PICK1: variants seen among roughly 807,000 people sequenced by gnomAD.
The protein encoded by PICK1 is protein interacting with PRKCA 1.
Under a neutral mutation model 48.9 loss-of-function variants are expected in PICK1, and 23 were observed. That is an observed-to-expected ratio of 0.47 (90% CI 0.34 to 0.67). The LOEUF is 0.67. Ranked by LOEUF, PICK1 falls within the 30% of genes least tolerant of loss-of-function variation. The pLI, the probability that PICK1 is intolerant of heterozygous loss-of-function variation, is 0.01. For synonymous variants in PICK1, 217 were observed against 228.2 expected (o/e 0.95, Z 0.44); for missense variants, 423 against 557.1 (o/e 0.76, Z 2.42).
intron 3 of PICK1, 46 bp from the exon 4 acceptor site, chr22:38,064,956 T>G (rs2145866111): frequency 1.2e-6 from 2 of 1,611,358 alleles, no homozygotes; most frequent in Non-Finnish European, 1.7e-6. Context: ...AGGTTCCATC[T>G]TAGCCCTCCC....
At chr22:38,071,425 T>C (rs980621326) in intron 7 of PICK1, among the ~76,000 whole-genome samples, 2 of 152,226 alleles carry the variant, frequency 1.3e-5, no homozygotes, top group Admixed American at 6.5e-5. Flanking sequence ...AATCCCACAC[T>C]GTCCCAGGGC....
At chr22:38,061,307 C>T (rs573957236) in intron 3 of PICK1, among the ~76,000 whole-genome samples, 1 of 152,140 alleles carries the variant, frequency 6.6e-6, no homozygotes, top group African/African-American at 2.4e-5. Flanking sequence ...TGCCATTGCA[C>T]TCCAGCCTGG....
chr22:38,075,232 C>T lies in PICK1; in HGVS notation c.*100C>T, dbSNP rs1202433563. ...CAAGGGGGCGACGCATAAAGGCCTG[C>T]TGGCTTGGGGCGCCTGCCTCCCTGC... On this transcript the variant is annotated 3_prime_UTR_variant, in exon 13 of 13. Transcript: ENST00000356976. 47 of 1,231,752 alleles carry T rather than the reference C, an allele frequency of 3.8e-5. No homozygotes were observed. The highest frequency in any genetic ancestry group is 5.1e-5 in the Non-Finnish European group (46 of 903,120). The allele number at this position is 1,231,752 out of a possible 1,614,324, so 76.3% of individuals were successfully genotyped here. A position where few individuals can be genotyped will look rare whatever the true frequency, so the allele number is the denominator to read the frequency against.
At position 38,069,138 on chromosome 22, in the gene PICK1, C is replaced by T. The variant is rs867650759; in HGVS notation, c.439+16C>T. The T allele has an allele frequency of 9.5e-6, 15 of 1,584,864 alleles. No homozygotes were observed. Among genetic ancestry groups the T allele is most frequent in the African/African-American group, 1.3e-5 (1 of 74,128 alleles). On this transcript the variant is annotated intron_variant, in intron 6 of 12. Coordinates refer to ENST00000356976, the MANE Select transcript of PICK1 (RefSeq NM_012407.4). The stretch of plus-strand genomic sequence containing the variant: ...CTGTGCAATGGTGAGTCCCTTCCCA[C>T]CCAGCTGGGGCCCCGGGGACTCAAG...
chr22:38,059,139 G>A, intron 2 of PICK1, 95 bp from the exon 3 acceptor site: 1 of 833,606 alleles, frequency 1.2e-6, no homozygotes, highest in Non-Finnish European at 2.0e-6. Flanking sequence ...GAAAAAGCTG[G>A]GCAGCCAGTG....
chr22:38,075,178 G>T lies in PICK1; in HGVS notation c.*46G>T. ...CGGGGGCAGGGTGCGTGGGAGGACGGAGCCTGGGAGCGGGGCGGGGCCGCC... is the reference window on the plus strand; with the variant it reads ...CGGGGGCAGGGTGCGTGGGAGGACGTAGCCTGGGAGCGGGGCGGGGCCGCC... On this transcript the variant is annotated 3_prime_UTR_variant, in exon 13 of 13. Coordinates refer to ENST00000356976, the MANE Select transcript of PICK1 (RefSeq NM_012407.4). The T allele has an allele frequency of 6.4e-7, 1 of 1,573,050 alleles. No homozygotes were observed. The highest frequency in any genetic ancestry group is 8.6e-7 in the Non-Finnish European group (1 of 1,158,726).
rs2085517814 is a variant in PICK1 at position 38,066,096 on chromosome 22, T to G, written c.282+966T>G. 6.6e-6 allele frequency among the ~76,000 whole-genome samples: 1 copy of G among 152,182 alleles called. No individual in the cohort carries two copies. Among genetic ancestry groups the G allele is most frequent in the Admixed American group, 6.5e-5 (1 of 15,288 alleles). On this transcript the variant is annotated intron_variant, in intron 4 of 12. Coordinates refer to ENST00000356976, the MANE Select transcript of PICK1 (RefSeq NM_012407.4). The surrounding 1 kb of genome is among the most constrained non-coding windows in gnomAD (Gnocchi z 4.1). ...TGTAGGAAGAGTCCCATCCTGCACATTCTCCTATTCCAGCCCCTTTAGCCA... is the reference window on the plus strand; with the variant it reads ...TGTAGGAAGAGTCCCATCCTGCACAGTCTCCTATTCCAGCCCCTTTAGCCA...
chr22:38,059,980 G>C (rs1204161291), intron 3 of PICK1, among the ~76,000 whole-genome samples: 1 of 152,234 alleles, frequency 6.6e-6, no homozygotes, highest in Non-Finnish European at 1.5e-5. Flanking sequence ...TTGGGAGGCC[G>C]AGGTGGGTGG....
In PICK1 at chr22:38,074,968, G is replaced by A. The variant is rs749818794; in HGVS notation, c.1084G>A (p.Val362Ile). The A allele has an allele frequency of 1.9e-6, 3 of 1,613,784 alleles. No homozygotes were observed. Among genetic ancestry groups the A allele is most frequent in the Non-Finnish European group, 2.5e-6 (3 of 1,180,036 alleles). ...GGATGCCGACGTCTTCCCCATCGAGGTAGACCTGGCGCACACCACATTGGC... is the reference window on the plus strand; with the variant it reads ...GGATGCCGACGTCTTCCCCATCGAGATAGACCTGGCGCACACCACATTGGC... Reference protein sequence around the residue: ...LRDADVFPIEVDLAHTTLAYG... With the variant: ...LRDADVFPIEIDLAHTTLAYG... Residue 362 changes from valine (V) to isoleucine (I), a missense_variant, in exon 13 of 13, where the codon GTA becomes ATA. Physicochemically the swap from Val to Ile is conservative, Grantham distance 29. Coordinates refer to ENST00000356976, the MANE Select transcript of PICK1 (RefSeq NM_012407.4). This position sits in a 1 kb window ranked among gnomAD's most constrained non-coding sequence, Gnocchi z 4.5.
intron 8 of PICK1, 139 bp from the exon 9 acceptor site, chr22:38,072,338 G>A: frequency 1.0e-6 from 1 of 988,460 alleles, no homozygotes; most frequent in Non-Finnish European, 1.5e-6. Context: ...GTTTAGACCA[G>A]CTCTCTTGGA....
Position 38,074,226 on chromosome 22 carries a change from G to A in PICK1, c.835-81G>A, listed in dbSNP as rs997972892. On this transcript the variant is annotated intron_variant, in intron 11 of 12. Coordinates refer to ENST00000356976, the MANE Select transcript of PICK1 (RefSeq NM_012407.4). The surrounding 1 kb of genome is among the most constrained non-coding windows in gnomAD (Gnocchi z 4.5). ...GTCTCAGAAATGAGGTCTCAGGAAT[G>A]AAGAACAGCCGTGGCTTTGAAAGCA... is the stretch of plus-strand genomic sequence containing the variant. 122 of 1,519,434 alleles carry A rather than the reference G, an allele frequency of 8.0e-5. No homozygotes were observed. Among genetic ancestry groups the A allele is most frequent in the Non-Finnish European group, 1.0e-4 (115 of 1,099,976 alleles). The allele number at this position is 1,519,434 out of a possible 1,614,324, so 94.1% of individuals were successfully genotyped here.
rs2085523223 is a variant in PICK1, at chr22:38,066,309, G to C, written c.282+1179G>C. Among the ~76,000 whole-genome samples, 1 of 152,192 alleles carries C rather than the reference G, an allele frequency of 6.6e-6. No homozygotes were observed. The highest frequency in any genetic ancestry group is 6.5e-5 in the Admixed American group (1 of 15,286). On this transcript the variant is annotated intron_variant, in intron 4 of 12. Coordinates refer to ENST00000356976, the MANE Select transcript of PICK1 (RefSeq NM_012407.4). The surrounding 1 kb of genome is among the most constrained non-coding windows in gnomAD (Gnocchi z 4.1). ...GGGGGTCTCGTTCTGGCCGAGTTGG[G>C]TTGTGTGTGCCCCATTTGGCAGCCC...
At position 38,071,752 on chromosome 22, in the gene PICK1, C is replaced by T. The variant is rs180679869; in HGVS notation, c.556+8C>T. On this transcript the variant is annotated splice_region_variant and intron_variant, in intron 8 of 12. Transcript: ENST00000356976. ...TGTCGCAGACTCACCGGGGTAATGG[C>T]ATCCCCCAAAGCTGTGGTGTGACCG... The T allele has an allele frequency of 1.4e-5, 22 of 1,610,698 alleles. No individual in the cohort carries two copies. In the African/African-American group the frequency reaches 2.3e-4, roughly 17 times the overall value.
chr22:38,060,090 A>G (rs2085362682), intron 3 of PICK1, among the ~76,000 whole-genome samples: 2 of 152,198 alleles, frequency 1.3e-5, no homozygotes. Context: ...GCACGCCTGT[A>G]CTTCCAGCTA....
In PICK1 at chr22:38,075,050, A is replaced by G; in HGVS notation, c.1166A>G (p.Asp389Gly). ...GGGGAGGAGGAGGAGGAGGAGGAAG[A>G]CACGGCAGCTGGGGAGCCGTCCAGG... is the stretch of plus-strand genomic sequence containing the variant. ...TDGEEEEEEEDTAAGEPSRDT... is the reference protein window; with the variant it reads ...TDGEEEEEEEGTAAGEPSRDT... Residue 389 changes from aspartate (D) to glycine (G), a missense_variant, in exon 13 of 13, where the codon GAC (aspartate) becomes GGC (glycine). This residue lies in a region of PICK1 where 144 missense variants were observed against 139.3 expected (regional missense o/e 1.03). Coordinates refer to ENST00000356976, the MANE Select transcript of PICK1 (RefSeq NM_012407.4). 6.2e-7 allele frequency: 1 copy of G among 1,613,230 alleles called. No homozygotes were observed. The highest frequency in any genetic ancestry group is 8.5e-7 in the Non-Finnish European group (1 of 1,179,994).
intron 6 of PICK1, among the ~76,000 whole-genome samples, chr22:38,069,738 G>A (rs547905855): frequency 6.6e-6 from 1 of 152,158 alleles, no homozygotes; most frequent in African/African-American, 2.4e-5. Flanking sequence ...CTAAGGAAGT[G>A]GGGGTGGGGA....
At position 38,073,314 on chromosome 22, in the gene PICK1, C is replaced by T. The variant is rs2085748799; in HGVS notation, c.783+222C>T. Among the ~76,000 whole-genome samples the T allele has an allele frequency of 6.6e-6, 1 of 152,248 alleles. No individual in the cohort carries two copies. The highest frequency in any genetic ancestry group is 1.5e-5 in the Non-Finnish European group (1 of 68,048). ...GCGGGCATGGCTCTCGCTGTGTGCA[C>T]TCTGACCCCTTGGGATTTGTTGCCT... is the stretch of plus-strand genomic sequence containing the variant. On this transcript the variant is annotated intron_variant, in intron 10 of 12. Transcript: ENST00000356976. The surrounding 1 kb of genome is among the most constrained non-coding windows in gnomAD (Gnocchi z 5.7).
intron 3 of PICK1, 138 bp downstream of exon 3, chr22:38,059,483 C>T (rs1246161177): frequency 1.6e-5 from 11 of 695,250 alleles, no homozygotes; most frequent in Non-Finnish European, 2.1e-5. Flanking sequence ...TTCTGACCAC[C>T]TGCGCTGCGT....
At chr22:38,070,558 T>C (rs2085653335) in intron 6 of PICK1, among the ~76,000 whole-genome samples, 2 of 152,196 alleles carry the variant, frequency 1.3e-5, no homozygotes, top group African/African-American at 4.8e-5. Context: ...CTATGGCCCC[T>C]GCCAGCCTTC....
Sources: gnomAD v4.1 joint callset for allele counts (sites outside exome capture counted in the v4.1 genomes callset) on GRCh38, gnomAD v4.1.1 for gene constraint, gnomAD v4.1.1 regional missense constraint, Gnocchi (gnomAD v3.1) non-coding constraint, MANE v1.5 for transcripts, NCBI Gene and HGNC (gene_info 2026-07-23, HGNC 2026-07-21) for gene names.